Variants in GFM2 observed in about 807,000 individuals in gnomAD.
The protein encoded by GFM2 is ribosome-releasing factor 2, mitochondrial.
A neutral mutation model predicts 95.4 loss-of-function variants in GFM2; 72 were observed. The observed-to-expected ratio is 0.76, with a 90% CI of 0.62 to 0.92. The LOEUF (loss-of-function observed/expected upper bound fraction) is 0.92. GFM2 is among the 40% of genes least tolerant of loss of function. The pLI is 0.00. For missense variants in GFM2, 825 were observed against 924.1 expected (o/e 0.89, Z 1.39); for synonymous variants, 276 against 317.5 (o/e 0.87, Z 1.39).
At chr5:74,760,100 T>G (rs1236049522) in intron 3 of GFM2, among the ~76,000 whole-genome samples, 1 of 152,200 alleles carries the variant, frequency 6.6e-6, no homozygotes, top group South Asian at 2.1e-4. Context: ...TAAATTTAAT[T>G]AAAGCCTTCC....
chr5:74,752,779 T>C (rs1256626371), intron 5 of GFM2, among the ~76,000 whole-genome samples: 1 of 152,094 alleles, frequency 6.6e-6, no homozygotes. Flanking sequence ...GAAAAGAACT[T>C]CAAAAGATAG....
chr5:74,726,430 G>A (rs1460877067), intron 17 of GFM2, among the ~76,000 whole-genome samples: 1 of 151,864 alleles, frequency 6.6e-6, no homozygotes, highest in Non-Finnish European at 1.5e-5. Context: ...TGTCTTGTAG[G>A]TGATTGAAAT....
intron 17 of GFM2, among the ~76,000 whole-genome samples, chr5:74,729,197 T>C (rs1390203102): frequency 6.6e-6 from 1 of 152,222 alleles, no homozygotes; most frequent in Admixed American, 6.5e-5. Flanking sequence ...ACACTGGTTC[T>C]ATGAACTTAG....
intron 20 of GFM2, chr5:74,722,175 C>G: frequency 3.5e-6 from 2 of 575,320 alleles, no homozygotes; most frequent in South Asian, 4.6e-5. Flanking sequence ...TGTAAATACC[C>G]CCTTGTAGTG....
chr5:74,739,397 A>T (rs1743000127), intron 12 of GFM2, among the ~76,000 whole-genome samples: 1 of 152,148 alleles, frequency 6.6e-6, no homozygotes, highest in East Asian at 1.9e-4. Context: ...TATAGATGAG[A>T]TGTTAAGGAA....
intron 5 of GFM2, among the ~76,000 whole-genome samples, chr5:74,756,140 C>T (rs552341265): frequency 2.6e-5 from 4 of 152,216 alleles, no homozygotes; most frequent in Admixed American, 6.5e-5. Flanking sequence ...TCAGAAAAAG[C>T]ATTTGACAAA....
intron 3 of GFM2, among the ~76,000 whole-genome samples, chr5:74,760,405 T>C (rs1355760975): frequency 6.6e-6 from 1 of 152,178 alleles, no homozygotes; most frequent in Non-Finnish European, 1.5e-5. Context: ...ACCATACACT[T>C]GCTTGTTTCA....
intron 12 of GFM2, among the ~76,000 whole-genome samples, chr5:74,739,619 C>G (rs952412451): frequency 2.6e-5 from 4 of 152,152 alleles, no homozygotes; most frequent in Non-Finnish European, 5.9e-5. Flanking sequence ...AAAACAATGA[C>G]CTTTCTTTAT....
chr5:74,765,054 G>C, intron 1 of GFM2: 1 of 1,126,986 alleles, frequency 8.9e-7, no homozygotes, highest in Non-Finnish European at 1.2e-6. Flanking sequence ...CCAAAGTGCT[G>C]GGATTACAGG....
rs1215154819 is a variant in GFM2, at chr5:74,741,515, A to G, written c.930+14T>C. The G allele has an allele frequency of 7.8e-7, 1 of 1,282,472 alleles. No individual in the cohort carries two copies. Among genetic ancestry groups the G allele is most frequent in the Admixed American group, 1.8e-5 (1 of 54,738 alleles). The allele number at this position is 1,282,472 out of a possible 1,614,324, so 79.4% of individuals were successfully genotyped here. ...AGTAAAATTTTGTGAAAGCCATTGA[A>G]TAATAAAATTTACCTTTTCAGCTGG... On this transcript the variant is annotated intron_variant, in intron 11 of 20. Transcript: ENST00000296805.
Position 74,721,690 on chromosome 5 carries a change from T to C in GFM2, c.2305A>G (p.Asn769Asp), listed in dbSNP as rs753323012. ...TYQAMNPQDQ[N>D]TLLNRRSGLT Reference sequence around the variant, plus strand: ...CCACTTCTCCGGTTGAGCAGTGTATTTTGATCTTGAGGATTCATGGCTTGA... The same window carrying C: ...CCACTTCTCCGGTTGAGCAGTGTATCTTGATCTTGAGGATTCATGGCTTGA... The change falls in exon 21 of 21, where the codon AAT (asparagine) becomes GAT (aspartate). Residue 769 changes from asparagine to aspartate, a missense_variant. Physicochemically the swap from Asn to Asp is conservative, Grantham distance 23. Transcript: ENST00000296805. The C allele has an allele frequency of 7.4e-6, 12 of 1,613,722 alleles. No homozygotes were observed. The highest frequency in any genetic ancestry group is 9.3e-6 in the Non-Finnish European group (11 of 1,179,888).
At chr5:74,726,261 C>A in intron 17 of GFM2, 135 bp from the exon 18 acceptor site, 1 of 593,350 alleles carries the variant, frequency 1.7e-6, no homozygotes, top group East Asian at 2.8e-5. Flanking sequence ...AACAATGGCA[C>A]TAAATACAGT....
intron 14 of GFM2, among the ~76,000 whole-genome samples, chr5:74,737,310 TAG>T (rs1399278089): frequency 6.6e-6 from 1 of 152,200 alleles, no homozygotes; most frequent in Non-Finnish European, 1.5e-5. Flanking sequence ...AGAAGTCCAT[TAG>T]AGTGTTCTAC....
chr5:74,745,135 C>T (rs1440099516), intron 10 of GFM2, among the ~76,000 whole-genome samples: 1 of 151,906 alleles, frequency 6.6e-6, no homozygotes, highest in East Asian at 1.9e-4. Flanking sequence ...GTCAGGGGTT[C>T]GAGACCAGCC....
At chr5:74,762,647 T>C (rs1016468401) in intron 2 of GFM2, among the ~76,000 whole-genome samples, 1 of 152,192 alleles carries the variant, frequency 6.6e-6, no homozygotes, top group Non-Finnish European at 1.5e-5. Flanking sequence ...TCACTACTCT[T>C]GCGCTCTGGG....
chr5:74,736,785 A>G lies in GFM2; in HGVS notation c.1510+11T>C. 6.2e-7 allele frequency: 1 copy of G among 1,613,726 alleles called. No homozygotes were observed. The highest frequency in any genetic ancestry group is 1.3e-5 in the African/African-American group (1 of 75,018). On this transcript the variant is annotated intron_variant, in intron 15 of 20. Transcript: ENST00000296805. Reference sequence around the variant, plus strand: ...CGCACTAATTAGTTGACACACTAAGACCATTTATACCTGGCTGCTTAGACA... The same window carrying G: ...CGCACTAATTAGTTGACACACTAAGGCCATTTATACCTGGCTGCTTAGACA...
intron 19 of GFM2, among the ~76,000 whole-genome samples, chr5:74,723,313 G>A (rs1247427564): frequency 6.6e-6 from 1 of 151,976 alleles, no homozygotes; most frequent in Non-Finnish European, 1.5e-5. Flanking sequence ...TACTCCATTG[G>A]CCTGCTTTGG....
rs147925896 is a variant in GFM2 at position 74,738,534 on chromosome 5, C to T, written c.1188G>A (p.Gln396=). 1.5e-4 allele frequency: 246 copies of T among 1,613,312 alleles called. No individual in the cohort carries two copies. The highest frequency in any genetic ancestry group is 2.5e-4 in the Admixed American group (15 of 59,896). Residue 396 remains glutamine (Q), a synonymous_variant, in exon 13 of 21, where the codon CAG becomes CAA. Coordinates refer to ENST00000296805, the MANE Select transcript of GFM2 (RefSeq NM_032380.5). ...TTCCATTAATATTATGAATGGCCAA[C>T]TGGGGTTTTATAGTGCCTGAGTAAA... ...MRIYSGTIKP[Q]LAIHNINGNC... is the part of the protein sequence containing the mutation.
At position 74,751,509 on chromosome 5, in the gene GFM2, A is replaced by G. The variant is rs781492524; in HGVS notation, c.305-16T>C. On this transcript the variant is annotated splice_polypyrimidine_tract_variant and intron_variant, in intron 5 of 20. Coordinates refer to ENST00000296805, the MANE Select transcript of GFM2 (RefSeq NM_032380.5). ...TCATCAACATCTAGCCAGGAAAAAG[A>G]TGATACAGTTTAGTCTTAATAGCAA... The G allele has an allele frequency of 6.3e-7, 1 of 1,598,978 alleles. No individual in the cohort carries two copies. Among genetic ancestry groups the G allele is most frequent in the South Asian group, 1.1e-5 (1 of 90,682 alleles).
Sources: gnomAD v4.1 joint callset for allele counts (sites outside exome capture counted in the v4.1 genomes callset) on GRCh38, gnomAD v4.1.1 for gene constraint, MANE v1.5 for transcripts, NCBI Gene and HGNC (gene_info 2026-07-23, HGNC 2026-07-21) for gene names.